Variants in ZFHX3 observed in about 807,000 individuals in gnomAD.
The protein encoded by ZFHX3 is zinc finger homeobox 3.
ZFHX3 carries 42 observed loss-of-function variants against 279.1 expected under a neutral mutation model. That is an observed-to-expected ratio of 0.15 (90% CI 0.12 to 0.19). The LOEUF (loss-of-function observed/expected upper bound fraction) is 0.19. Among genes scored for constraint, ZFHX3 ranks in the 10% least tolerant of loss-of-function variants. The pLI, the probability that ZFHX3 is intolerant of heterozygous loss-of-function variation, is 1.00. For synonymous variants in ZFHX3, 2,293 were observed against 1,957.8 expected (o/e 1.17, Z -4.52); for missense variants, 4,981 against 4,754.0 (o/e 1.05, Z -1.40).
At chr16:73,720,414 C>T (rs1437618248) in intron 1 of ZFHX3, among the ~76,000 whole-genome samples, 2 of 152,146 alleles carry the variant, frequency 1.3e-5, no homozygotes, top group African/African-American at 2.4e-5. Flanking sequence ...TTATATAGAA[C>T]CTAAATGTCC....
In ZFHX3 at chr16:73,790,108, G is replaced by T. The variant is rs7201214; in HGVS notation, c.-1608+101543C>A. On this transcript the variant is annotated intron_variant, in intron 1 of 17. Transcript: ENST00000641206. The stretch of plus-strand genomic sequence containing the variant: ...AGGTCTCATTGTAGGACCAAACTTA[G>T]GGACAAATTTAGAGGAGGGAGAATT... 3.4e-3 allele frequency among the ~76,000 whole-genome samples: 524 copies of T among 152,192 alleles called. 2 individuals are homozygous for T. The highest frequency in any genetic ancestry group is 0.012 in the African/African-American group (497 of 41,514).
At chr16:73,008,853 A>T (rs1378635350) in intron 1 of ZFHX3, among the ~76,000 whole-genome samples, 1 of 152,100 alleles carries the variant, frequency 6.6e-6, no homozygotes, top group Admixed American at 6.6e-5. Context: ...AATAATCTCT[A>T]ATTCTGCAAT....
At chr16:73,700,501 T>G (rs897061763) in intron 1 of ZFHX3, among the ~76,000 whole-genome samples, 1 of 152,226 alleles carries the variant, frequency 6.6e-6, no homozygotes, top group Non-Finnish European at 1.5e-5. Context: ...AAAGGATTTG[T>G]AGAATACATG....
chr16:73,056,140 G>A (rs8048267), intron 1 of ZFHX3, among the ~76,000 whole-genome samples: 111,995 of 151,952 alleles, frequency 0.74, 41,527 homozygotes, highest in East Asian at 0.88. Context: ...CCAAACCGCA[G>A]TCTTTTCAAA....
intron 2 of ZFHX3, among the ~76,000 whole-genome samples, chr16:73,607,794 G>A (rs2052205943): frequency 6.6e-6 from 1 of 152,148 alleles, no homozygotes; most frequent in South Asian, 2.1e-4. Flanking sequence ...GGTCCTGTGC[G>A]GTGGCTCATG....
intron 1 of ZFHX3, among the ~76,000 whole-genome samples, chr16:72,968,251 C>T (rs1005982107): frequency 7.2e-5 from 11 of 151,976 alleles, no homozygotes; most frequent in Non-Finnish European, 1.5e-4. Context: ...TGCAGAATGT[C>T]CTATGCTTTT....
At chr16:73,444,902 G>C (rs1028304058) in intron 3 of ZFHX3, among the ~76,000 whole-genome samples, 8 of 143,280 alleles carry the variant, frequency 5.6e-5, no homozygotes, top group Non-Finnish European at 9.0e-5. Flanking sequence ...GGTGGATCAT[G>C]AGGGCAGGAG....
At chr16:72,971,206 C>T (rs200863297) in intron 1 of ZFHX3, among the ~76,000 whole-genome samples, 51 of 152,184 alleles carry the variant, frequency 3.4e-4, no homozygotes, top group Non-Finnish European at 5.7e-4. Context: ...ATATCTTATA[C>T]ACATTGCATA....
chr16:73,026,192 CAAAAAAAAAAAAAAAAAAAA>C (rs60146795), intron 1 of ZFHX3, among the ~76,000 whole-genome samples: 1 of 47,486 alleles, frequency 2.1e-5, no homozygotes, highest in Admixed American at 3.4e-4. Context: ...ACAAAAAATA[CAAAAAAAAAAAAAAAAAAAA>C]AAAAAAAAAA....
intron 2 of ZFHX3, among the ~76,000 whole-genome samples, chr16:73,572,168 TAAA>T (rs36024411): frequency 0.044 from 6,116 of 140,298 alleles, 199 homozygotes; most frequent in East Asian, 0.11. Context: ...TAAATATTCT[TAAA>T]AAAAAAAAAA....
At chr16:72,862,047 C>T (rs1468575629) in intron 4 of ZFHX3, among the ~76,000 whole-genome samples, 1 of 152,184 alleles carries the variant, frequency 6.6e-6, no homozygotes, top group African/African-American at 2.4e-5. Context: ...CTGGAATTTT[C>T]TGTTTCATTG....
intron 3 of ZFHX3, among the ~76,000 whole-genome samples, chr16:72,924,690 C>T (rs1959347395): frequency 6.6e-6 from 1 of 152,202 alleles, no homozygotes; most frequent in Non-Finnish European, 1.5e-5. Context: ...TATTAATTTG[C>T]ATATGACATC....
chr16:73,495,091 G>A (rs922031814), intron 2 of ZFHX3, among the ~76,000 whole-genome samples: 2 of 152,216 alleles, frequency 1.3e-5, no homozygotes, highest in Non-Finnish European at 2.9e-5. Context: ...TCTCTTTACT[G>A]CTGCAGAGTA....
rs2035441821 is a variant in ZFHX3, at chr16:72,787,399, GC to G, written c.10876del (p.Ala3626GlnfsTer68). On this transcript the variant is annotated frameshift_variant, in exon 10 of 10. Coordinates refer to ENST00000268489, the MANE Select transcript of ZFHX3 (RefSeq NM_006885.4). LOFTEE classifies it high-confidence loss of function. Reference sequence around the variant, plus strand: ...AGGAGGAAAAGAAGGGGGCTTCGCTGCCGAAGCCCGGGAGACCACTTGCGGC... The same window carrying G: ...AGGAGGAAAAGAAGGGGGCTTCGCTGCGAAGCCCGGGAGACCACTTGCGGC... ...SWPQVVSRASAAKPPSFPPLS... is the reference protein window; with the variant it reads ...SWPQVVSRASXAKPPSFPPLS... 1 of 1,599,682 alleles carries G rather than the reference GC, an allele frequency of 6.3e-7. No individual in the cohort carries two copies. The highest frequency in any genetic ancestry group is 1.7e-5 in the Admixed American group (1 of 59,218).
rs189463231 is a variant in ZFHX3 at position 73,244,037 on chromosome 16, C to T, written c.-1104+13010G>A. On this transcript the variant is annotated intron_variant, in intron 5 of 17. Coordinates refer to the ZFHX3 transcript ENST00000641206. The stretch of plus-strand genomic sequence containing the variant: ...TGGCCAGGAGCCCTTGGGGATCATG[C>T]ACCATGCTAGGCAGCCCTCCTTTCA... Among the ~76,000 whole-genome samples the T allele has an allele frequency of 1.0e-3, 157 of 152,228 alleles. 1 individual carries two copies. The highest frequency in any genetic ancestry group is 1.8e-3 in the Non-Finnish European group (122 of 68,022).
intron 2 of ZFHX3, among the ~76,000 whole-genome samples, chr16:73,553,892 A>C (rs915460794): frequency 2.0e-5 from 3 of 152,188 alleles, no homozygotes; most frequent in Non-Finnish European, 4.4e-5. Context: ...TCATCATCTG[A>C]TCACTGAAAT....
At chr16:72,874,575 A>G (rs1418005303) in intron 4 of ZFHX3, among the ~76,000 whole-genome samples, 2 of 152,122 alleles carry the variant, frequency 1.3e-5, no homozygotes, top group Non-Finnish European at 2.9e-5. Context: ...ACATAGAAGG[A>G]AAGTGGATGT....
intron 5 of ZFHX3, among the ~76,000 whole-genome samples, chr16:73,237,262 T>G (rs1247445192): frequency 6.6e-6 from 1 of 152,126 alleles, no homozygotes; most frequent in Non-Finnish European, 1.5e-5. Flanking sequence ...TCTTAAAAAA[T>G]AAAATTCTTT....
chr16:73,017,839 C>A (rs1271163988), intron 1 of ZFHX3, among the ~76,000 whole-genome samples: 1 of 152,186 alleles, frequency 6.6e-6, no homozygotes, highest in Non-Finnish European at 1.5e-5. Flanking sequence ...CTGCATAGAG[C>A]CCATGCCTAC....
Sources: allele counts gnomAD v4.1 joint callset (sites outside exome capture counted in the v4.1 genomes callset), GRCh38; gene constraint gnomAD v4.1.1; transcripts MANE v1.5; gene names NCBI Gene and HGNC (gene_info 2026-07-23, HGNC 2026-07-21).